Variants in OPCML observed in about 807,000 individuals in gnomAD.
The protein encoded by OPCML is opioid-binding protein/cell adhesion molecule.
OPCML carries 13 observed loss-of-function variants against 37.8 expected under a neutral mutation model. The ratio of observed to expected loss-of-function variants is 0.34; its 90% CI spans 0.22 to 0.55. The LOEUF is 0.55. OPCML is among the 20% of genes least tolerant of loss of function. OPCML has a pLI of 0.91. For synonymous variants in OPCML, 176 were observed against 168.8 expected (o/e 1.04, Z -0.33); for missense variants, 341 against 435.6 (o/e 0.78, Z 1.93).
intron 1 of OPCML, among the ~76,000 whole-genome samples, chr11:132,998,615 T>C (rs537142785): frequency 1.3e-5 from 2 of 152,326 alleles, no homozygotes; most frequent in East Asian, 3.9e-4. Flanking sequence ...AACTCTTCTA[T>C]GCTCTGAATG....
intron 3 of OPCML, among the ~76,000 whole-genome samples, chr11:132,538,601 C>T (rs774169402): frequency 6.6e-5 from 10 of 152,154 alleles, no homozygotes; most frequent in South Asian, 2.1e-4. Flanking sequence ...ACATCAATCA[C>T]GGCCAATCAT....
intron 2 of OPCML, among the ~76,000 whole-genome samples, chr11:132,811,728 G>T (rs143446605): frequency 0.016 from 2,439 of 152,224 alleles, 27 homozygotes; most frequent in Middle Eastern, 0.027. Context: ...ATTAATAAGA[G>T]CCTTAATCAC....
At chr11:132,663,754 G>A (rs1286288135) in intron 2 of OPCML, among the ~76,000 whole-genome samples, 2 of 152,238 alleles carry the variant, frequency 1.3e-5, no homozygotes, top group Non-Finnish European at 2.9e-5. Context: ...GTGGAACCCA[G>A]AAGGGCAGGC....
chr11:133,316,912 G>C (rs1943217241), intron 1 of OPCML, among the ~76,000 whole-genome samples: 1 of 152,160 alleles, frequency 6.6e-6, no homozygotes, highest in Non-Finnish European at 1.5e-5. Flanking sequence ...ACATGTAACT[G>C]TTAGGCTAGG....
At chr11:132,509,306 C>G (rs1345883511) in intron 4 of OPCML, among the ~76,000 whole-genome samples, 9 of 151,698 alleles carry the variant, frequency 5.9e-5, no homozygotes, top group Non-Finnish European at 5.9e-5. Context: ...GGAAACAGAG[C>G]ATAAATGTTC....
chr11:132,823,690 C>A (rs569132187), intron 2 of OPCML, among the ~76,000 whole-genome samples: 3 of 152,266 alleles, frequency 2.0e-5, no homozygotes, highest in Admixed American at 2.0e-4. Context: ...CAAAACATAA[C>A]AAAAGAATTC....
intron 2 of OPCML, among the ~76,000 whole-genome samples, chr11:132,710,673 A>G (rs1944223594): frequency 7.5e-6 from 1 of 134,160 alleles, no homozygotes; most frequent in Non-Finnish European, 1.6e-5. Context: ...GCCAACATGT[A>G]TCTACTAAAA....
chr11:132,486,182 A>G (rs2096199193), intron 4 of OPCML, among the ~76,000 whole-genome samples: 1 of 152,190 alleles, frequency 6.6e-6, no homozygotes, highest in Non-Finnish European at 1.5e-5. Flanking sequence ...CTCATGTCTC[A>G]TACAATTGTG....
chr11:133,055,085 C>T (rs893398386), intron 1 of OPCML, among the ~76,000 whole-genome samples: 6 of 151,024 alleles, frequency 4.0e-5, no homozygotes, highest in South Asian at 2.1e-4. Flanking sequence ...GGTGAGACTC[C>T]ATGAGGGAGC....
At chr11:133,009,057 G>A (rs1159343183) in intron 1 of OPCML, 1 of 985,228 alleles carries the variant, frequency 1.0e-6, no homozygotes, top group Non-Finnish European at 1.2e-6. Context: ...TACTCTTCCA[G>A]ATTACTTAAG....
At chr11:132,975,505 T>C (rs1946439014) in intron 1 of OPCML, among the ~76,000 whole-genome samples, 1 of 108,282 alleles carries the variant, frequency 9.2e-6, no homozygotes, top group East Asian at 2.6e-4. Flanking sequence ...TTCTCCAGCC[T>C]GGATGTCCCA....
intron 1 of OPCML, among the ~76,000 whole-genome samples, chr11:133,044,224 CA>C (rs2136952370): frequency 6.6e-6 from 1 of 152,220 alleles, no homozygotes; most frequent in South Asian, 2.1e-4. Context: ...GGTGCATATC[CA>C]CGTGCATCCT....
rs111331876 is a variant in OPCML at position 133,374,242 on chromosome 11, G to C, written c.61+158022C>G. ...AAAAAAAGCCAGACAAGAATGCCTAGGCTATGAGTCCATGTACATAAAAGT... is the reference window on the plus strand; with the variant it reads ...AAAAAAAGCCAGACAAGAATGCCTACGCTATGAGTCCATGTACATAAAAGT... On this transcript the variant is annotated intron_variant, in intron 1 of 7. Transcript: ENST00000524381. Among the ~76,000 whole-genome samples the C allele has an allele frequency of 4.4e-3, 677 of 152,250 alleles. 3 individuals carry two copies. The highest frequency in any genetic ancestry group is 0.015 in the African/African-American group (612 of 41,544).
chr11:132,688,240 G>A (rs970386375), intron 2 of OPCML, among the ~76,000 whole-genome samples: 7 of 151,814 alleles, frequency 4.6e-5, no homozygotes, highest in African/African-American at 1.5e-4. Flanking sequence ...CCCCTGTGTA[G>A]TCAAAACACA....
In OPCML at chr11:133,048,294, A is replaced by G. The variant is rs144741183; in HGVS notation, c.62-105284T>C. Among the ~76,000 whole-genome samples, 644 of 152,280 alleles carry G rather than the reference A, an allele frequency of 4.2e-3. 4 individuals are homozygous for G. The highest frequency in any genetic ancestry group is 0.014 in the African/African-American group (594 of 41,578). Reference sequence around the variant, plus strand: ...AGAAGAAACTGAGACACAGGCGTGCATTAACTCAATCGACAAATAGTAACG... The same window carrying G: ...AGAAGAAACTGAGACACAGGCGTGCGTTAACTCAATCGACAAATAGTAACG... On this transcript the variant is annotated intron_variant, in intron 1 of 7. Coordinates refer to ENST00000524381, the MANE Select transcript of OPCML (RefSeq NM_001012393.5).
intron 1 of OPCML, among the ~76,000 whole-genome samples, chr11:133,203,817 G>C (rs1470881257): frequency 6.6e-6 from 1 of 152,214 alleles, no homozygotes; most frequent in Admixed American, 6.5e-5. Flanking sequence ...CCAGTACTTT[G>C]GGAGGCTGAG....
chr11:133,082,312 G>A (rs1208811409), intron 1 of OPCML, among the ~76,000 whole-genome samples: 2 of 151,312 alleles, frequency 1.3e-5, no homozygotes, highest in South Asian at 4.2e-4. Context: ...GGCTCCACCC[G>A]GCTGGGGCAA....
intron 4 of OPCML, among the ~76,000 whole-genome samples, chr11:132,503,157 A>G (rs1479756547): frequency 6.6e-6 from 1 of 152,172 alleles, no homozygotes; most frequent in Non-Finnish European, 1.5e-5. Context: ...TTACAAAGGC[A>G]ATGTTGAAGA....
chr11:132,920,729 C>T (rs1042596288), intron 2 of OPCML, among the ~76,000 whole-genome samples: 1 of 152,158 alleles, frequency 6.6e-6, no homozygotes, highest in Non-Finnish European at 1.5e-5. Context: ...AGGCAAAACA[C>T]GGGTAATTGG....
Sources: allele counts gnomAD v4.1 joint callset (sites outside exome capture counted in the v4.1 genomes callset), GRCh38; gene constraint gnomAD v4.1.1; transcripts MANE v1.5; gene names NCBI Gene and HGNC (gene_info 2026-07-23, HGNC 2026-07-21).